Variants in CCDC171 observed in about 807,000 individuals in gnomAD.
CCDC171 encodes coiled-coil domain containing 171.
A neutral mutation model predicts 168.2 loss-of-function variants in CCDC171; 177 were observed. The ratio of observed to expected loss-of-function variants is 1.05; its 90% confidence interval spans 0.93 to 1.19. The LOEUF is 1.19. Among genes scored for constraint, CCDC171 ranks in the 50% most tolerant of loss-of-function variants. The pLI is 0.00. For missense variants in CCDC171, 1,991 were observed against 1,539.0 expected (o/e 1.29, Z -4.91); for synonymous variants, 687 against 540.8 (o/e 1.27, Z -3.75).
At position 15,856,256 on chromosome 9, in the gene CCDC171, A is replaced by G. The variant is rs564144617; in HGVS notation, c.3468+7309A>G. Among the ~76,000 whole-genome samples, 135 of 152,110 alleles carry G rather than the reference A, an allele frequency of 8.9e-4. 1 individual carries two copies. The highest frequency in any genetic ancestry group is 3.1e-3 in the African/African-American group (127 of 41,524). ...TACAATATTGTTAACCACAGGTACA[A>G]TGTTATAAGGCAGACTTTCAGAACT... On this transcript the variant is annotated intron_variant, in intron 23 of 25. Transcript: ENST00000380701.
At chr9:15,674,233 A>G (rs951573226) in intron 9 of CCDC171, among the ~76,000 whole-genome samples, 3 of 151,922 alleles carry the variant, frequency 2.0e-5, no homozygotes, top group Non-Finnish European at 4.4e-5. Flanking sequence ...TATTGTGTCT[A>G]TTTGATTCTT....
At chr9:15,944,453 C>G (rs1456223171) in intron 25 of CCDC171, among the ~76,000 whole-genome samples, 1 of 152,014 alleles carries the variant, frequency 6.6e-6, no homozygotes, top group African/African-American at 2.4e-5. Flanking sequence ...TAACATTTAT[C>G]TAATACTTTC....
chr9:15,945,564 T>C (rs1393157319), intron 25 of CCDC171, among the ~76,000 whole-genome samples: 1 of 135,056 alleles, frequency 7.4e-6, no homozygotes, highest in East Asian at 2.7e-4. Context: ...TTTTTAATGA[T>C]TGCCATTCTA....
chr9:15,763,420 C>G (rs1207979714), intron 18 of CCDC171, among the ~76,000 whole-genome samples: 1 of 152,136 alleles, frequency 6.6e-6, no homozygotes, highest in Non-Finnish European at 1.5e-5. Context: ...TTCAAAGCCC[C>G]AACTTGCTAA....
chr9:16,094,509 T>C, the CCDC171 span, among the ~76,000 whole-genome samples: 4,159 of 152,172 alleles, frequency 0.027, 183 homozygotes, highest in African/African-American at 0.094. Flanking sequence ...ATGACCAATT[T>C]GATGTGGGTA....
intron 3 of CCDC171, among the ~76,000 whole-genome samples, chr9:15,986,065 G>A (rs890999413): frequency 2.0e-5 from 3 of 152,212 alleles, no homozygotes; most frequent in Non-Finnish European, 4.4e-5. Flanking sequence ...AGAATTTTAA[G>A]AAACTGCTGA....
chr9:15,600,729 C>G (rs544202709), intron 6 of CCDC171, among the ~76,000 whole-genome samples: 1 of 152,224 alleles, frequency 6.6e-6, no homozygotes, highest in East Asian at 1.9e-4. Context: ...GCCCTGCCCC[C>G]AGAGGTGGAG....
At chr9:15,766,347 G>A (rs1381488930) in intron 18 of CCDC171, among the ~76,000 whole-genome samples, 1 of 152,050 alleles carries the variant, frequency 6.6e-6, no homozygotes, top group Non-Finnish European at 1.5e-5. Context: ...GGGCTCAAGG[G>A]ATCCTCCTGC....
At chr9:15,902,199 A>T (rs186972267) in intron 24 of CCDC171, among the ~76,000 whole-genome samples, 42 of 151,628 alleles carry the variant, frequency 2.8e-4, no homozygotes, top group East Asian at 9.7e-4. Flanking sequence ...AAATATTTCC[A>T]GAATTATGGA....
chr9:15,880,729 G>A (rs1445799877), intron 24 of CCDC171, among the ~76,000 whole-genome samples: 1 of 150,634 alleles, frequency 6.6e-6, no homozygotes, highest in East Asian at 1.9e-4. Flanking sequence ...ACCCGCCTCA[G>A]CCTCCCAAAG....
At chr9:15,605,194 G>T (rs1271457706) in intron 6 of CCDC171, among the ~76,000 whole-genome samples, 1 of 152,038 alleles carries the variant, frequency 6.6e-6, no homozygotes, top group Non-Finnish European at 1.5e-5. Context: ...ACCACACCTG[G>T]CTTATAATTT....
At chr9:15,657,094 G>C (rs1161293325) in intron 7 of CCDC171, 33 bp from the exon 8 acceptor site, 1 of 1,281,200 alleles carries the variant, frequency 7.8e-7, no homozygotes, top group South Asian at 1.3e-5. Context: ...AAATACCAAT[G>C]TTTATGAATT....
chr9:15,984,584 C>T (rs956934185), intron 3 of CCDC171, among the ~76,000 whole-genome samples: 8 of 151,874 alleles, frequency 5.3e-5, no homozygotes, highest in African/African-American at 1.9e-4. Context: ...GTGTGATATG[C>T]GTCATGGGGT....
At chr9:15,884,147 G>A (rs1380839936) in intron 24 of CCDC171, among the ~76,000 whole-genome samples, 1 of 152,098 alleles carries the variant, frequency 6.6e-6, no homozygotes, top group African/African-American at 2.4e-5. Flanking sequence ...TGCTACTGGA[G>A]TTCTATCCTA....
At chr9:15,813,410 AC>A (rs1402706540) in intron 21 of CCDC171, among the ~76,000 whole-genome samples, 4 of 152,150 alleles carry the variant, frequency 2.6e-5, no homozygotes, top group African/African-American at 9.7e-5. Flanking sequence ...AATTTATGTG[AC>A]CAAAACTCTG....
intron 18 of CCDC171, among the ~76,000 whole-genome samples, chr9:15,774,437 TA>T (rs1034650233): frequency 2.0e-5 from 3 of 150,034 alleles, no homozygotes; most frequent in South Asian, 2.1e-4. Context: ...ATGGCCATAA[TA>T]AAAAAAAATA....
At chr9:15,955,047 A>G (rs1481541803) in intron 25 of CCDC171, among the ~76,000 whole-genome samples, 1 of 152,132 alleles carries the variant, frequency 6.6e-6, no homozygotes, top group African/African-American at 2.4e-5. Flanking sequence ...GAATAGAATA[A>G]TATAGTAACT....
chr9:15,807,958 C>A (rs925217751), intron 21 of CCDC171, among the ~76,000 whole-genome samples: 1 of 151,796 alleles, frequency 6.6e-6, no homozygotes, highest in South Asian at 2.1e-4. Context: ...TTGCCCTATG[C>A]TACTGGTTGT....
chr9:15,580,448 A>G (rs1019701673), intron 4 of CCDC171, among the ~76,000 whole-genome samples: 3 of 152,234 alleles, frequency 2.0e-5, no homozygotes, highest in Non-Finnish European at 4.4e-5. Flanking sequence ...GTAAACAGAC[A>G]GCACAGACTG....
Sources: gnomAD v4.1 joint callset for allele counts (sites outside exome capture counted in the v4.1 genomes callset) on GRCh38, gnomAD v4.1.1 for gene constraint, MANE v1.5 for transcripts, NCBI Gene and HGNC (gene_info 2026-07-23, HGNC 2026-07-21) for gene names.